Variants in ZSCAN25 observed in about 807,000 individuals in gnomAD.
ZSCAN25 encodes zinc finger and SCAN domain-containing protein 25.
Under a neutral mutation model 38.7 loss-of-function variants are expected in ZSCAN25, and 27 were observed. The observed-to-expected ratio is 0.70, with a 90% CI of 0.51 to 0.96. The LOEUF is 0.96. Among genes scored for constraint, ZSCAN25 ranks in the 40% least tolerant of loss-of-function variants. The pLI is 0.00. For missense variants in ZSCAN25, 637 were observed against 705.9 expected (o/e 0.90, Z 1.11); for synonymous variants, 273 against 277.7 (o/e 0.98, Z 0.17).
the ZSCAN25 span, among the ~76,000 whole-genome samples, chr7:99,654,783 C>T: frequency 1.2e-4 from 18 of 152,146 alleles, no homozygotes; most frequent in South Asian, 2.1e-4. Context: ...TTCTAACTGG[C>T]GTGAGATGGT....
the ZSCAN25 span, among the ~76,000 whole-genome samples, chr7:99,685,424 T>G: frequency 6.6e-6 from 1 of 152,194 alleles, no homozygotes; most frequent in African/African-American, 2.4e-5. Context: ...GGATTTCATA[T>G]CAGTTTTGAA....
the ZSCAN25 span, among the ~76,000 whole-genome samples, chr7:99,647,017 CTA>C: frequency 6.6e-6 from 1 of 152,158 alleles, no homozygotes; most frequent in Non-Finnish European, 1.5e-5. Context: ...CTTTCTGAAT[CTA>C]TGACTCTTTT....
the ZSCAN25 span, among the ~76,000 whole-genome samples, chr7:99,725,824 C>T: frequency 6.6e-6 from 1 of 152,162 alleles, no homozygotes; most frequent in African/African-American, 2.4e-5. Context: ...AGGGTAAGTC[C>T]ATCCCCTGTG....
At chr7:99,689,358 A>G in the ZSCAN25 span, among the ~76,000 whole-genome samples, 2 of 152,352 alleles carry the variant, frequency 1.3e-5, no homozygotes, top group East Asian at 3.9e-4. Flanking sequence ...CCACAGAAAT[A>G]CAAACTACCA....
chr7:99,715,960 C>T, the ZSCAN25 span: 98 of 1,611,992 alleles, frequency 6.1e-5, 1 homozygote, highest in East Asian at 2.0e-3. Context: ...ACCATCCTTC[C>T]TCTATGCGTG....
At chr7:99,637,462 C>T in the ZSCAN25 span, among the ~76,000 whole-genome samples, 1 of 152,194 alleles carries the variant, frequency 6.6e-6, no homozygotes, top group East Asian at 1.9e-4. Flanking sequence ...GTGTGTCCTT[C>T]ATGGGTTACA....
the ZSCAN25 span, chr7:99,638,367 T>C: frequency 6.2e-7 from 1 of 1,601,536 alleles, no homozygotes; most frequent in Non-Finnish European, 8.5e-7. Context: ...CTCCTGGATC[T>C]TGTGGGGTTT....
the ZSCAN25 span, among the ~76,000 whole-genome samples, chr7:99,728,703 C>A: frequency 1.3e-5 from 2 of 152,154 alleles, no homozygotes; most frequent in Non-Finnish European, 2.9e-5. Flanking sequence ...CTTCCTGTCC[C>A]CCTCATGACA....
chr7:99,708,120 A>T, the ZSCAN25 span: 4 of 1,103,462 alleles, frequency 3.6e-6, no homozygotes, highest in Admixed American at 2.2e-5. Flanking sequence ...CCTGCTATGC[A>T]TATTTTGCTA....
At position 99,617,631 on chromosome 7, in the gene ZSCAN25, G is replaced by A. The variant is rs141964155; in HGVS notation, c.-259+615G>A. On this transcript the variant is annotated intron_variant, in intron 1 of 7. Coordinates refer to ENST00000394152, the MANE Select transcript of ZSCAN25 (RefSeq NM_145115.3). ...ATGGTGGCACTCGCCAGTAGTCCCAGCTACTCGGGAGGCTGAGGTGGGAGG... is the reference window on the plus strand; with the variant it reads ...ATGGTGGCACTCGCCAGTAGTCCCAACTACTCGGGAGGCTGAGGTGGGAGG... Among the ~76,000 whole-genome samples the A allele has an allele frequency of 6.2e-3, 946 of 152,316 alleles. 6 individuals are homozygous for A. Among genetic ancestry groups the A allele is most frequent in the African/African-American group, 0.022 (895 of 41,564 alleles).
intron 7 of ZSCAN25, among the ~76,000 whole-genome samples, chr7:99,628,554 G>A (rs1296057260): frequency 6.6e-6 from 1 of 152,222 alleles, no homozygotes; most frequent in Non-Finnish European, 1.5e-5. Context: ...CTACCTAGGG[G>A]CGTTCTCCTG....
intron 6 of ZSCAN25, 123 bp downstream of exon 6, chr7:99,622,763 A>G (rs899339319): frequency 1.2e-6 from 1 of 845,732 alleles, no homozygotes; most frequent in South Asian, 1.7e-5. Context: ...CTCCCTTCCT[A>G]GTCCCGGTGG....
chr7:99,730,791 C>T, the ZSCAN25 span: 309 of 427,166 alleles, frequency 7.2e-4, no homozygotes, highest in Non-Finnish European at 3.4e-4. Context: ...CTTTATGGTG[C>T]TCACAAAGTC....
the ZSCAN25 span, among the ~76,000 whole-genome samples, chr7:99,643,585 T>C: frequency 6.6e-6 from 1 of 152,002 alleles, no homozygotes; most frequent in African/African-American, 2.4e-5. Flanking sequence ...TTTTTGTGGT[T>C]TTATGGCCAG....
chr7:99,684,906 A>G, the ZSCAN25 span: 1 of 326,802 alleles, frequency 3.1e-6, no homozygotes, highest in Non-Finnish European at 5.6e-6. Context: ...GAAACAAAGA[A>G]GCCAAATCTA....
At chr7:99,638,541 T>C in the ZSCAN25 span, 9 of 1,522,230 alleles carry the variant, frequency 5.9e-6, no homozygotes, top group South Asian at 3.4e-5. Flanking sequence ...AGTGTAGTTA[T>C]GCCGCGAGAG....
the ZSCAN25 span, chr7:99,680,083 C>A: frequency 1.7e-6 from 1 of 597,620 alleles, no homozygotes; most frequent in Non-Finnish European, 3.0e-6. Context: ...ATCGCACACA[C>A]CCCTTTGCTG....
At chr7:99,692,454 T>G in the ZSCAN25 span, among the ~76,000 whole-genome samples, 1 of 152,236 alleles carries the variant, frequency 6.6e-6, no homozygotes, top group African/African-American at 2.4e-5. Context: ...TTTGCTAGTT[T>G]GGGGAAGTTC....
chr7:99,671,714 G>A, the ZSCAN25 span: 2 of 654,750 alleles, frequency 3.1e-6, no homozygotes, highest in Admixed American at 5.0e-5. Context: ...ATCCATAAAA[G>A]GAAATATTAA....
Sources: allele counts gnomAD v4.1 joint callset (sites outside exome capture counted in the v4.1 genomes callset), GRCh38; gene constraint gnomAD v4.1.1; transcripts MANE v1.5; gene names NCBI Gene and HGNC (gene_info 2026-07-23, HGNC 2026-07-21).